The following SPAG6 variants were observed in gnomAD, a reference collection of about 807,000 sequenced individuals.
The protein encoded by SPAG6 is sperm-associated antigen 6.
In SPAG6, 49 loss-of-function variants were observed where a neutral mutation model predicts 58.5. The ratio of observed to expected loss-of-function variants is 0.84; its 90% CI spans 0.67 to 1.06. SPAG6 has a LOEUF of 1.06. Ranked by LOEUF, SPAG6 falls within the 50% of genes least tolerant of loss-of-function variation. The pLI is 0.00. For missense variants in SPAG6, 560 were observed against 611.3 expected, an observed-to-expected ratio of 0.92 and a Z score of 0.89; for synonymous variants, 233 against 225.6, an observed-to-expected ratio of 1.03 and a Z score of -0.29.
chr10:22,386,704 A>C (rs759219255), intron 4 of SPAG6, 50 bp from the exon 5 acceptor site: 2 of 1,467,086 alleles, frequency 1.4e-6, no homozygotes, highest in Non-Finnish European at 1.9e-6. Context: ...AATGGCTTGC[A>C]CAAGGGTCAG....
Position 22,401,184 on chromosome 10 carries a change from C to T in SPAG6, c.1221C>T (p.Ile407=). 3 of 1,587,486 alleles carry T rather than the reference C, an allele frequency of 1.9e-6. No homozygotes were observed. Among genetic ancestry groups the T allele is most frequent in the Non-Finnish European group, 1.7e-6 (2 of 1,156,322 alleles). The change falls in exon 9 of 11, where the codon ATC becomes ATT. Residue 407 remains isoleucine (I), a synonymous_variant. Coordinates refer to ENST00000376624, the MANE Select transcript of SPAG6 (RefSeq NM_012443.4). ...AGAGTAAAAAAGCCATAAAGAATAT[C>T]CTGCAAAAATGTACCTACTTACCAG... ...QVKSKKAIKN[I]LQKCTYLPAL...
chr10:22,390,956 A>G (rs764513692), intron 7 of SPAG6, among the ~76,000 whole-genome samples: 13 of 152,206 alleles, frequency 8.5e-5, no homozygotes, highest in Non-Finnish European at 1.6e-4. Flanking sequence ...CATAATCTCA[A>G]ATTAGTCAGA....
At chr10:22,353,268 G>T (rs983559863) in intron 2 of SPAG6, among the ~76,000 whole-genome samples, 2 of 152,184 alleles carry the variant, frequency 1.3e-5, no homozygotes, top group African/African-American at 2.4e-5. Context: ...ATTCCTGATT[G>T]CAGTCTTCTG....
intron 2 of SPAG6, among the ~76,000 whole-genome samples, chr10:22,356,872 T>G (rs1224377078): frequency 6.6e-6 from 1 of 152,206 alleles, no homozygotes; most frequent in African/African-American, 2.4e-5. Flanking sequence ...GAGTGATCCT[T>G]CTTTACAAAC....
rs924351313 is a variant in SPAG6 at position 22,346,844 on chromosome 10, ATCT to A, written c.121+1030_121+1032del. Among the ~76,000 whole-genome samples the A allele has an allele frequency of 5.3e-5, 8 of 152,268 alleles. No individual in the cohort carries two copies. The Middle Eastern group carries it at 0.014, about 259-fold the overall frequency. On this transcript the variant is annotated intron_variant, in intron 2 of 10. Coordinates refer to ENST00000376624, the MANE Select transcript of SPAG6 (RefSeq NM_012443.4). Reference sequence around the variant, plus strand: ...TATTTACAATAAAGTATATTTTATAATCTTCTAAACGCATTTTAGTTTGAAATA... The same window carrying A: ...TATTTACAATAAAGTATATTTTATAATCTAAACGCATTTTAGTTTGAAATA...
chr10:22,398,271 A>T (rs550983310), intron 8 of SPAG6, among the ~76,000 whole-genome samples: 11 of 152,372 alleles, frequency 7.2e-5, no homozygotes, highest in Admixed American at 6.5e-4. Flanking sequence ...AGATCTAAAT[A>T]TAAGTGTTAA....
chr10:22,382,057 A>G (rs373556459), intron 4 of SPAG6, among the ~76,000 whole-genome samples: 25 of 152,352 alleles, frequency 1.6e-4, no homozygotes, highest in African/African-American at 4.6e-4. Context: ...AAGAAAATGC[A>G]ACTGTGTGAG....
At chr10:22,379,636 G>C (rs1833905655) in intron 4 of SPAG6, among the ~76,000 whole-genome samples, 1 of 152,154 alleles carries the variant, frequency 6.6e-6, no homozygotes, top group African/African-American at 2.4e-5. Context: ...CTAGTGATAG[G>C]TCTTGAGCCT....
intron 2 of SPAG6, among the ~76,000 whole-genome samples, chr10:22,349,825 T>C (rs1232490616): frequency 6.6e-6 from 1 of 152,172 alleles, no homozygotes; most frequent in Non-Finnish European, 1.5e-5. Context: ...GGGTTCAGAA[T>C]TCAAGAAAAT....
In SPAG6 at chr10:22,405,861, G is replaced by C. The variant is rs199847606; in HGVS notation, c.1314+4584G>C. 1.6e-3 allele frequency among the ~76,000 whole-genome samples: 237 copies of C among 152,266 alleles called. 4 individuals are homozygous for C. The East Asian group carries it at 0.034, about 22-fold the overall frequency. On this transcript the variant is annotated intron_variant, in intron 9 of 10. Coordinates refer to ENST00000376624, the MANE Select transcript of SPAG6 (RefSeq NM_012443.4). ...AGATTCAACTTCTTCCTGGTTTAGT[G>C]TTGGGAGAGTGTATGTGTCGAGGAA...
chr10:22,395,729 T>C (rs894916880), intron 8 of SPAG6, among the ~76,000 whole-genome samples: 2 of 152,346 alleles, frequency 1.3e-5, no homozygotes, highest in African/African-American at 4.8e-5. Flanking sequence ...TAAATTTTAA[T>C]GAAATTCAAT....
At chr10:22,378,040 TTTTTC>T (rs1292804493) in intron 4 of SPAG6, among the ~76,000 whole-genome samples, 8 of 150,714 alleles carry the variant, frequency 5.3e-5, no homozygotes, top group African/African-American at 7.3e-5. Context: ...TACAGATCTT[TTTTTC>T]TTTTCTTTTC....
chr10:22,346,497 T>TTCTTCTTCTTC (rs1554776508), intron 2 of SPAG6, among the ~76,000 whole-genome samples: 1 of 74,378 alleles, frequency 1.3e-5, no homozygotes, highest in African/African-American at 5.4e-5. Flanking sequence ...CTTCTTCTTC[T>TTCTTCTTCTTC]TTCTTCTTCT....
chr10:22,356,104 T>C (rs1310533220), intron 2 of SPAG6, among the ~76,000 whole-genome samples: 2 of 152,356 alleles, frequency 1.3e-5, no homozygotes, highest in East Asian at 3.9e-4. Flanking sequence ...GCACAAGTGT[T>C]GGGCTAGCTG....
At chr10:22,356,014 T>C (rs1245455694) in intron 2 of SPAG6, among the ~76,000 whole-genome samples, 1 of 152,226 alleles carries the variant, frequency 6.6e-6, no homozygotes, top group Non-Finnish European at 1.5e-5. Flanking sequence ...ATAAGTATAA[T>C]TAGACTTACA....
At chr10:22,386,621 A>T in intron 4 of SPAG6, 133 bp from the exon 5 acceptor site, 1 of 683,072 alleles carries the variant, frequency 1.5e-6, no homozygotes, top group South Asian at 1.7e-5. Context: ...AGGAAGCCTG[A>T]TTTGAAATGC....
intron 9 of SPAG6, among the ~76,000 whole-genome samples, chr10:22,402,791 CT>C (rs1189188279): frequency 2.0e-5 from 3 of 152,070 alleles, no homozygotes; most frequent in Non-Finnish European, 4.4e-5. Flanking sequence ...TTTTTGTATA[CT>C]TTTGGGTGCT....
intron 3 of SPAG6, among the ~76,000 whole-genome samples, chr10:22,366,000 A>C (rs1197048979): frequency 6.6e-6 from 1 of 152,210 alleles, no homozygotes; most frequent in Non-Finnish European, 1.5e-5. Context: ...CTGTGAGAAC[A>C]CTTTGGCAGG....
chr10:22,388,083 G>C, intron 6 of SPAG6, 87 bp downstream of exon 6: 1 of 1,065,800 alleles, frequency 9.4e-7, no homozygotes, highest in Non-Finnish European at 1.3e-6. Flanking sequence ...GGGCCTAGGG[G>C]TTGTGGCACA....
Sources: gnomAD v4.1 joint callset for allele counts (sites outside exome capture counted in the v4.1 genomes callset) on GRCh38, gnomAD v4.1.1 for gene constraint, MANE v1.5 for transcripts, NCBI Gene and HGNC (gene_info 2026-07-23, HGNC 2026-07-21) for gene names.